The following GRIK4 variants were observed in gnomAD, a reference collection of about 807,000 sequenced individuals.
The protein encoded by GRIK4 is glutamate ionotropic receptor kainate type subunit 4.
Under a neutral mutation model 104.9 loss-of-function variants are expected in GRIK4, and 40 were observed. That is an observed-to-expected ratio of 0.38 (90% CI 0.30 to 0.50). The LOEUF (loss-of-function observed/expected upper bound fraction) is 0.50. Among genes scored for constraint, GRIK4 ranks in the 20% least tolerant of loss-of-function variants. The pLI is 0.93. For missense variants in GRIK4, 1,047 were observed against 1,308.1 expected, an observed-to-expected ratio of 0.80 and a Z score of 3.08; for synonymous variants, 485 against 524.9, an observed-to-expected ratio of 0.92 and a Z score of 1.04.
chr11:120,558,017 C>CAAAAAAAAAAAAAAAAAAAAAAAAAA (rs59960959), intron 1 of GRIK4, among the ~76,000 whole-genome samples: 1 of 39,596 alleles, frequency 2.5e-5, no homozygotes, highest in Non-Finnish European at 5.7e-5. Context: ...GACTCCGTCT[C>CAAAAAAAAAAAAAAAAAAAAAAAAAA]AAAAAAAAAA....
At chr11:120,744,273 A>G (rs1237519977) in intron 3 of GRIK4, among the ~76,000 whole-genome samples, 1 of 152,146 alleles carries the variant, frequency 6.6e-6, no homozygotes, top group South Asian at 2.1e-4. Context: ...GGACTTGGGA[A>G]TATCTGGAAA....
intron 11 of GRIK4, among the ~76,000 whole-genome samples, chr11:120,896,539 G>A (rs774983565): frequency 2.0e-4 from 31 of 152,192 alleles, no homozygotes; most frequent in Non-Finnish European, 4.6e-4. Context: ...CCCAACTGTA[G>A]AGACCATAAG....
At chr11:120,746,334 A>G (rs1951437654) in intron 3 of GRIK4, among the ~76,000 whole-genome samples, 2 of 152,142 alleles carry the variant, frequency 1.3e-5, no homozygotes, top group Non-Finnish European at 2.9e-5. Flanking sequence ...TGAAAACTCA[A>G]GGGAGGTACA....
chr11:120,830,475 G>A (rs1214504644), intron 6 of GRIK4, among the ~76,000 whole-genome samples: 4 of 152,106 alleles, frequency 2.6e-5, no homozygotes, highest in Non-Finnish European at 5.9e-5. Flanking sequence ...TTTTGGCCTG[G>A]GTGGTGAGTA....
At chr11:120,911,716 C>T in intron 13 of GRIK4, among the ~76,000 whole-genome samples, 1 of 150,620 alleles carries the variant, frequency 6.6e-6, no homozygotes, top group East Asian at 2.0e-4. Flanking sequence ...GTGGTGCATG[C>T]CTGTAATCCC....
intron 4 of GRIK4, among the ~76,000 whole-genome samples, chr11:120,813,432 C>A (rs559554518): frequency 6.6e-5 from 10 of 152,194 alleles, no homozygotes; most frequent in African/African-American, 2.4e-4. Context: ...ATGAGATAAC[C>A]CCCATGGAAG....
At chr11:120,813,028 G>A (rs1952860471) in intron 4 of GRIK4, among the ~76,000 whole-genome samples, 1 of 152,222 alleles carries the variant, frequency 6.6e-6, no homozygotes, top group Non-Finnish European at 1.5e-5. Flanking sequence ...GCTGCAGAAA[G>A]AGAACAGGAT....
At chr11:120,558,435 A>G (rs1948207991) in intron 1 of GRIK4, among the ~76,000 whole-genome samples, 1 of 152,108 alleles carries the variant, frequency 6.6e-6, no homozygotes, top group Non-Finnish European at 1.5e-5. Context: ...AAAATTCAAA[A>G]AAATTAGCTG....
intron 1 of GRIK4, among the ~76,000 whole-genome samples, chr11:120,567,664 G>A (rs1948347897): frequency 6.6e-6 from 1 of 152,186 alleles, no homozygotes. Flanking sequence ...GGGGAAGAGA[G>A]TGATGATATC....
intron 3 of GRIK4, among the ~76,000 whole-genome samples, chr11:120,690,584 C>T (rs1207565925): frequency 6.6e-6 from 1 of 152,216 alleles, no homozygotes; most frequent in East Asian, 1.9e-4. Context: ...AATTGGAAGC[C>T]GGGTAACAGT....
At chr11:120,701,491 A>T (rs1950550442) in intron 3 of GRIK4, among the ~76,000 whole-genome samples, 1 of 152,240 alleles carries the variant, frequency 6.6e-6, no homozygotes, top group African/African-American at 2.4e-5. Context: ...CATTGTGTAC[A>T]CATACCACAT....
Position 120,513,367 on chromosome 11 carries a change from G to A in GRIK4, c.-159+1480G>A, listed in dbSNP as rs1032791167. Reference sequence around the variant, plus strand: ...TAGTGGGCATCTGAGAGACAAATCCGGTCCTGCCTGACTCCCTGACTGTCT... The same window carrying A: ...TAGTGGGCATCTGAGAGACAAATCCAGTCCTGCCTGACTCCCTGACTGTCT... On this transcript the variant is annotated intron_variant, in intron 1 of 20. Transcript: ENST00000527524. The surrounding 1 kb of genome is among the most constrained non-coding windows in gnomAD (Gnocchi z 4.5). Among the ~76,000 whole-genome samples, 4 of 152,258 alleles carry A rather than the reference G, an allele frequency of 2.6e-5. No homozygotes were observed. Among genetic ancestry groups the A allele is most frequent in the East Asian group, 3.9e-4 (2 of 5,164 alleles).
intron 1 of GRIK4, among the ~76,000 whole-genome samples, chr11:120,558,904 G>A (rs1187961196): frequency 6.6e-6 from 1 of 152,146 alleles, no homozygotes; most frequent in East Asian, 1.9e-4. Flanking sequence ...ACCAGTGAAT[G>A]TTGGTTTTAC....
intron 3 of GRIK4, among the ~76,000 whole-genome samples, chr11:120,730,200 A>G (rs1031542315): frequency 2.2e-4 from 33 of 152,052 alleles, no homozygotes; most frequent in African/African-American, 8.0e-4. Context: ...ATGAAATATT[A>G]TACAAAAATT....
intron 14 of GRIK4, among the ~76,000 whole-genome samples, chr11:120,951,501 G>A (rs1213427315): frequency 6.6e-6 from 1 of 152,210 alleles, no homozygotes; most frequent in African/African-American, 2.4e-5. Flanking sequence ...ACAGTAGGTT[G>A]CGCCATGACT....
At chr11:120,743,098 C>T (rs549869806) in intron 3 of GRIK4, among the ~76,000 whole-genome samples, 5 of 152,022 alleles carry the variant, frequency 3.3e-5, no homozygotes, top group South Asian at 2.1e-4. Flanking sequence ...GGTGTGGTGG[C>T]GGGTGCCTGT....
At position 120,819,655 on chromosome 11, in the gene GRIK4, A is replaced by G. The variant is rs1953056846; in HGVS notation, c.346-100A>G. 12 of 1,137,032 alleles carry G rather than the reference A, an allele frequency of 1.1e-5. No homozygotes were observed. Among genetic ancestry groups the G allele is most frequent in the Non-Finnish European group, 1.6e-5 (12 of 764,140 alleles). The allele number at this position is 1,137,032 out of a possible 1,614,324, so 70.4% of individuals were successfully genotyped here. On this transcript the variant is annotated intron_variant, in intron 5 of 20. Coordinates refer to ENST00000527524, the MANE Select transcript of GRIK4 (RefSeq NM_014619.5). This position sits in a 1 kb window ranked among gnomAD's most constrained non-coding sequence, Gnocchi z 4.3. ...TTGGTGTCTGGCGAAGGTGTTACAT[A>G]AAAGAACTCACCCTCCACAACCTCA...
chr11:120,657,864 A>G (rs183407049), intron 2 of GRIK4, among the ~76,000 whole-genome samples: 8 of 152,318 alleles, frequency 5.3e-5, no homozygotes, highest in African/African-American at 1.9e-4. Flanking sequence ...TGCACACCCC[A>G]TAAGTTTACA....
At chr11:120,882,386 G>T (rs1255946282) in intron 11 of GRIK4, among the ~76,000 whole-genome samples, 1 of 152,222 alleles carries the variant, frequency 6.6e-6, no homozygotes, top group Admixed American at 6.5e-5. Context: ...AGCCAGGTTT[G>T]ATTGCTGGGA....
Sources: allele counts gnomAD v4.1 joint callset (sites outside exome capture counted in the v4.1 genomes callset), GRCh38; gene constraint gnomAD v4.1.1; non-coding constraint Gnocchi (gnomAD v3.1); transcripts MANE v1.5; gene names NCBI Gene and HGNC (gene_info 2026-07-23, HGNC 2026-07-21).